The following SGCZ variants were observed in gnomAD, a reference collection of about 807,000 sequenced individuals.
The protein encoded by SGCZ is sarcoglycan zeta.
A neutral mutation model predicts 41.3 loss-of-function variants in SGCZ; 40 were observed. The ratio of observed to expected loss-of-function variants is 0.97; its 90% CI spans 0.75 to 1.26. The LOEUF (loss-of-function observed/expected upper bound fraction) is 1.26, where lower values mean the gene tolerates loss of function less well. Among genes scored for constraint, SGCZ ranks in the 50% most tolerant of loss-of-function variants. SGCZ has a pLI of 0.00. For missense variants in SGCZ, 552 were observed against 369.8 expected (o/e 1.49, Z -4.04); for synonymous variants, 206 against 137.5 (o/e 1.50, Z -3.49).
At chr8:14,872,854 A>C (rs1462035723) in intron 1 of SGCZ, among the ~76,000 whole-genome samples, 1 of 152,164 alleles carries the variant, frequency 6.6e-6, no homozygotes, top group Non-Finnish European at 1.5e-5. Context: ...ACCATAGTAG[A>C]TTCTCAAAAA....
chr8:14,582,373 C>T (rs1029451672), intron 1 of SGCZ, among the ~76,000 whole-genome samples: 32 of 152,008 alleles, frequency 2.1e-4, no homozygotes, highest in Admixed American at 2.0e-3. Context: ...CACATTATTA[C>T]AAATGAAGTG....
chr8:14,332,090 A>G (rs1354056385), intron 2 of SGCZ, among the ~76,000 whole-genome samples: 1 of 152,112 alleles, frequency 6.6e-6, no homozygotes, highest in Non-Finnish European at 1.5e-5. Context: ...CACTAGCCTC[A>G]AAGAACATAT....
At chr8:14,345,027 C>T (rs890968019) in intron 2 of SGCZ, among the ~76,000 whole-genome samples, 5 of 151,968 alleles carry the variant, frequency 3.3e-5, no homozygotes, top group Admixed American at 6.6e-5. Context: ...TGCAAATGTA[C>T]GTGTGCATAT....
intron 2 of SGCZ, among the ~76,000 whole-genome samples, chr8:14,498,975 T>C (rs965164440): frequency 6.6e-6 from 1 of 151,946 alleles, no homozygotes; most frequent in Non-Finnish European, 1.5e-5. Context: ...ATGGTCCAGT[T>C]ATGCTAGAAA....
chr8:14,141,327 T>G (rs986806608), intron 5 of SGCZ, among the ~76,000 whole-genome samples: 4 of 152,144 alleles, frequency 2.6e-5, no homozygotes, highest in African/African-American at 9.7e-5. Context: ...GTGATCTGAT[T>G]AAACTAAAGA....
At chr8:14,222,821 TTTTTTTTTTG>T (rs1383109940) in intron 4 of SGCZ, among the ~76,000 whole-genome samples, 6 of 89,540 alleles carry the variant, frequency 6.7e-5, no homozygotes, top group South Asian at 3.3e-4. Context: ...TTTTTTTTTT[TTTTTTTTTTG>T]AGGCAGAGTC....
chr8:14,188,094 A>G (rs1354555447), intron 4 of SGCZ, among the ~76,000 whole-genome samples: 1 of 152,226 alleles, frequency 6.6e-6, no homozygotes, highest in Non-Finnish European at 1.5e-5. Flanking sequence ...GCAGCAAACT[A>G]TCTTTTAAAA....
chr8:15,086,727 T>G (rs1488434629), intron 1 of SGCZ, among the ~76,000 whole-genome samples: 1 of 152,192 alleles, frequency 6.6e-6, no homozygotes, highest in Non-Finnish European at 1.5e-5. Context: ...ATTTCTCAAC[T>G]GCTTTGTGGA....
intron 2 of SGCZ, among the ~76,000 whole-genome samples, chr8:14,506,908 G>C (rs1172796707): frequency 6.6e-6 from 1 of 152,034 alleles, no homozygotes; most frequent in Non-Finnish European, 1.5e-5. Flanking sequence ...TTGCCCTTTA[G>C]ACTTTGATGT....
intron 2 of SGCZ, 51 bp downstream of exon 2, chr8:14,554,681 G>T: frequency 6.8e-7 from 1 of 1,468,570 alleles, no homozygotes; most frequent in Non-Finnish European, 9.3e-7. Context: ...AACAGAGCTA[G>T]ATTGTCTCTG....
intron 1 of SGCZ, among the ~76,000 whole-genome samples, chr8:14,985,298 C>CT (rs1449891829): frequency 1.3e-5 from 2 of 152,056 alleles, no homozygotes; most frequent in Non-Finnish European, 2.9e-5. Context: ...GTCACTGAAG[C>CT]TGGTGACAGC....
chr8:14,602,587 A>G (rs933227236), intron 1 of SGCZ, among the ~76,000 whole-genome samples: 1 of 152,196 alleles, frequency 6.6e-6, no homozygotes, highest in Admixed American at 6.5e-5. Context: ...GAATAGCCTA[A>G]ATAATTCACA....
At chr8:15,027,768 T>A (rs572006003) in intron 1 of SGCZ, among the ~76,000 whole-genome samples, 2 of 152,154 alleles carry the variant, frequency 1.3e-5, no homozygotes, top group South Asian at 2.1e-4. Context: ...TGACCATAAT[T>A]CTTAAAGAAA....
chr8:14,430,281 G>A (rs559679034), intron 2 of SGCZ, among the ~76,000 whole-genome samples: 36 of 152,038 alleles, frequency 2.4e-4, no homozygotes, highest in Non-Finnish European at 4.0e-4. Flanking sequence ...ATGAACATAG[G>A]TGCTAAAATC....
At chr8:14,930,688 G>T (rs1454270198) in intron 1 of SGCZ, among the ~76,000 whole-genome samples, 2 of 151,950 alleles carry the variant, frequency 1.3e-5, no homozygotes, top group Non-Finnish European at 2.9e-5. Flanking sequence ...CCTTTGCAGG[G>T]ACATGGATGA....
intron 1 of SGCZ, among the ~76,000 whole-genome samples, chr8:15,228,977 T>C (rs1801859317): frequency 6.6e-6 from 1 of 152,126 alleles, no homozygotes; most frequent in African/African-American, 2.4e-5. Context: ...GTGGATCACC[T>C]GAGGTCAGGA....
At chr8:15,041,526 A>G (rs1252352144) in intron 1 of SGCZ, among the ~76,000 whole-genome samples, 1 of 152,104 alleles carries the variant, frequency 6.6e-6, no homozygotes, top group East Asian at 1.9e-4. Context: ...ATTTCTTTAT[A>G]TGGCTACATA....
At chr8:14,235,127 G>A (rs547099508) in intron 4 of SGCZ, among the ~76,000 whole-genome samples, 10 of 152,132 alleles carry the variant, frequency 6.6e-5, no homozygotes, top group Admixed American at 2.0e-4. Flanking sequence ...TTAGAGATGA[G>A]AAAACGGAGT....
At chr8:14,509,639 A>G (rs1483687548) in intron 2 of SGCZ, among the ~76,000 whole-genome samples, 1 of 152,152 alleles carries the variant, frequency 6.6e-6, no homozygotes, top group African/African-American at 2.4e-5. Flanking sequence ...ATGGATGTAG[A>G]GGCCTTTTCA....
Sources: gnomAD v4.1 joint callset for allele counts (sites outside exome capture counted in the v4.1 genomes callset) on GRCh38, gnomAD v4.1.1 for gene constraint, MANE v1.5 for transcripts, NCBI Gene and HGNC (gene_info 2026-07-23, HGNC 2026-07-21) for gene names.